Variants in NLGN1 observed in about 807,000 individuals in gnomAD.
NLGN1 encodes neuroligin 1, also known as neuroligin-1.
Under a neutral mutation model 65.5 loss-of-function variants are expected in NLGN1, and 12 were observed. The observed-to-expected ratio is 0.18, with a 90% CI of 0.12 to 0.30. The LOEUF (loss-of-function observed/expected upper bound fraction) is 0.30, where lower values mean the gene tolerates loss of function less well. Among genes scored for constraint, NLGN1 ranks in the 10% least tolerant of loss-of-function variants. The pLI is 1.00. For missense variants in NLGN1, 750 were observed against 1,007.1 expected, an observed-to-expected ratio of 0.74 and a Z score of 3.46; for synonymous variants, 350 against 359.5, an observed-to-expected ratio of 0.97 and a Z score of 0.30.
chr3:174,174,752 T>A (rs1481128346), intron 4 of NLGN1, among the ~76,000 whole-genome samples: 3 of 151,736 alleles, frequency 2.0e-5, no homozygotes, highest in Admixed American at 1.3e-4. Context: ...TTATTTAAAG[T>A]TTTCTCTTTT....
chr3:174,094,697 T>C (rs1258695457), intron 4 of NLGN1, among the ~76,000 whole-genome samples: 1 of 150,426 alleles, frequency 6.6e-6, no homozygotes, highest in Non-Finnish European at 1.5e-5. Flanking sequence ...TTCTTCTGTG[T>C]TTCTAGAACA....
chr3:174,260,729 T>C lies in NLGN1; in HGVS notation c.647-14586T>C, dbSNP rs1221350659. Among the ~76,000 whole-genome samples the C allele has an allele frequency of 2.6e-3, 390 of 149,938 alleles. 1 individual carries two copies. The highest frequency in any genetic ancestry group is 9.4e-3 in the African/African-American group (380 of 40,568). Reference sequence around the variant, plus strand: ...CAATTTTGGCTTTTGTTGCCATTGCTTTTGGTGTTTTGGACATGAAGTCCT... The same window carrying C: ...CAATTTTGGCTTTTGTTGCCATTGCCTTTGGTGTTTTGGACATGAAGTCCT... On this transcript the variant is annotated intron_variant, in intron 4 of 6. Transcript: ENST00000457714.
intron 4 of NLGN1, among the ~76,000 whole-genome samples, chr3:173,995,492 C>T (rs550265794): frequency 6.6e-6 from 1 of 152,254 alleles, no homozygotes; most frequent in African/African-American, 2.4e-5. Flanking sequence ...AGTGCTGATC[C>T]TAGTCCAATC....
At chr3:173,656,256 T>G (rs1013799015) in intron 3 of NLGN1, among the ~76,000 whole-genome samples, 1 of 152,110 alleles carries the variant, frequency 6.6e-6, no homozygotes, top group African/African-American at 2.4e-5. Context: ...AATATCAAAT[T>G]TTGTTTTGAG....
chr3:174,142,625 G>A (rs765488576), intron 4 of NLGN1, among the ~76,000 whole-genome samples: 5 of 152,008 alleles, frequency 3.3e-5, no homozygotes, highest in South Asian at 4.2e-4. Context: ...TGAGCTTGGC[G>A]TATTCTAGGA....
chr3:173,648,721 T>A (rs1485433142), intron 3 of NLGN1, among the ~76,000 whole-genome samples: 2 of 152,094 alleles, frequency 1.3e-5, no homozygotes, highest in African/African-American at 2.4e-5. Flanking sequence ...ATTACAGGCA[T>A]GCACCACCAC....
intron 4 of NLGN1, among the ~76,000 whole-genome samples, chr3:173,985,320 A>G (rs763513713): frequency 1.3e-5 from 2 of 152,022 alleles, no homozygotes; most frequent in Non-Finnish European, 2.9e-5. Context: ...TGTGAGATCA[A>G]CCCCTTTTTA....
At chr3:173,738,057 G>A (rs939195392) in intron 3 of NLGN1, among the ~76,000 whole-genome samples, 1 of 151,904 alleles carries the variant, frequency 6.6e-6, no homozygotes, top group African/African-American at 2.4e-5. Context: ...CTTCTTTGGA[G>A]CAAAGCCTAT....
At chr3:173,773,609 T>C (rs1250058964) in intron 3 of NLGN1, among the ~76,000 whole-genome samples, 1 of 152,202 alleles carries the variant, frequency 6.6e-6, no homozygotes, top group Admixed American at 6.5e-5. Context: ...ATCAATATGA[T>C]TTTTATTGAA....
chr3:174,076,724 A>AGAGTGT (rs1491274049), intron 4 of NLGN1, among the ~76,000 whole-genome samples: 14 of 82,138 alleles, frequency 1.7e-4, no homozygotes, highest in South Asian at 4.0e-4. Context: ...AGAGAGAGAG[A>AGAGTGT]GTGTGTGTGT....
At chr3:173,512,660 G>C (rs544090822) in intron 2 of NLGN1, among the ~76,000 whole-genome samples, 4 of 152,312 alleles carry the variant, frequency 2.6e-5, no homozygotes, top group Admixed American at 1.3e-4. Context: ...TGGACACACA[G>C]GGATGGAAGT....
intron 4 of NLGN1, among the ~76,000 whole-genome samples, chr3:173,817,760 T>G (rs1424682049): frequency 6.6e-6 from 1 of 152,170 alleles, no homozygotes; most frequent in Non-Finnish European, 1.5e-5. Flanking sequence ...TCTTAATGTT[T>G]CTATGGTATT....
At chr3:173,706,867 G>A (rs1054643147) in intron 3 of NLGN1, among the ~76,000 whole-genome samples, 1 of 152,184 alleles carries the variant, frequency 6.6e-6, no homozygotes, top group Non-Finnish European at 1.5e-5. Flanking sequence ...CCAAAAGCAA[G>A]TTGTTGTTTA....
At chr3:173,876,352 T>G (rs1466894995) in intron 4 of NLGN1, among the ~76,000 whole-genome samples, 2 of 152,164 alleles carry the variant, frequency 1.3e-5, no homozygotes, top group Non-Finnish European at 2.9e-5. Flanking sequence ...CATTTTACTT[T>G]AAAAATTTAG....
intron 4 of NLGN1, among the ~76,000 whole-genome samples, chr3:173,826,978 T>C (rs1721461133): frequency 6.6e-6 from 1 of 151,942 alleles, no homozygotes; most frequent in Non-Finnish European, 1.5e-5. Context: ...ATATGTACTG[T>C]GAAGAAAATA....
At chr3:173,842,381 C>G (rs1453942721) in intron 4 of NLGN1, among the ~76,000 whole-genome samples, 1 of 152,138 alleles carries the variant, frequency 6.6e-6, no homozygotes, top group African/African-American at 2.4e-5. Flanking sequence ...CAACAGTCCC[C>G]CAATGTCTTA....
chr3:174,127,696 T>C (rs1719249900), intron 4 of NLGN1, among the ~76,000 whole-genome samples: 1 of 152,136 alleles, frequency 6.6e-6, no homozygotes, highest in South Asian at 2.1e-4. Context: ...AATAGAGGCT[T>C]GAGTTGAGTG....
At chr3:173,999,082 T>C (rs887212437) in intron 4 of NLGN1, among the ~76,000 whole-genome samples, 8 of 152,204 alleles carry the variant, frequency 5.3e-5, no homozygotes, top group African/African-American at 1.9e-4. Flanking sequence ...TAGAAACTTT[T>C]CTCTACAGGA....
At chr3:173,516,128 T>G (rs1733772268) in intron 2 of NLGN1, among the ~76,000 whole-genome samples, 1 of 152,092 alleles carries the variant, frequency 6.6e-6, no homozygotes, top group African/African-American at 2.4e-5. Flanking sequence ...CCATCTTGGG[T>G]GCTTCTAAAA....
Sources: gnomAD v4.1 joint callset for allele counts (sites outside exome capture counted in the v4.1 genomes callset) on GRCh38, gnomAD v4.1.1 for gene constraint, MANE v1.5 for transcripts, NCBI Gene and HGNC (gene_info 2026-07-23, HGNC 2026-07-21) for gene names.